The following CACNB2 variants were observed in gnomAD, a reference collection of about 807,000 sequenced individuals.
CACNB2 encodes calcium voltage-gated channel auxiliary subunit beta 2.
Under a neutral mutation model 73.3 loss-of-function variants are expected in CACNB2, and 42 were observed. That is an observed-to-expected ratio of 0.57 (90% confidence interval 0.45 to 0.74). The LOEUF (loss-of-function observed/expected upper bound fraction) is 0.74. CACNB2 is among the 30% of genes least tolerant of loss of function. CACNB2 has a pLI of 0.00. For synonymous variants in CACNB2, 348 were observed against 310.3 expected (o/e 1.12, Z -1.28); for missense variants, 940 against 853.0 (o/e 1.10, Z -1.27).
chr10:18,316,869 C>T (rs1236723799), intron 2 of CACNB2, among the ~76,000 whole-genome samples: 1 of 152,202 alleles, frequency 6.6e-6, no homozygotes, highest in East Asian at 1.9e-4. Context: ...TTAGCACTGT[C>T]TTAGCCCCAG....
chr10:18,355,529 T>A (rs1317219475), intron 2 of CACNB2, among the ~76,000 whole-genome samples: 1 of 152,204 alleles, frequency 6.6e-6, no homozygotes, highest in African/African-American at 2.4e-5. Flanking sequence ...TTTTTGATGC[T>A]ATTGCAGAGC....
chr10:18,400,295 CACTT>C (rs2043925182), intron 2 of CACNB2, among the ~76,000 whole-genome samples: 1 of 152,186 alleles, frequency 6.6e-6, no homozygotes. Context: ...GTATAGGACA[CACTT>C]AGTGGAGCAG....
chr10:18,147,805 T>G (rs79062066), intron 1 of CACNB2, among the ~76,000 whole-genome samples: 2,541 of 152,292 alleles, frequency 0.017, 70 homozygotes, highest in African/African-American at 0.057. Flanking sequence ...CTTCACTTTT[T>G]TCCCCCCTTA....
chr10:18,453,372 A>G (rs533942775), intron 3 of CACNB2, among the ~76,000 whole-genome samples: 2 of 152,220 alleles, frequency 1.3e-5, no homozygotes, highest in African/African-American at 4.8e-5. Context: ...CCTTCCTGCC[A>G]GTCCCACCTC....
chr10:18,242,551 G>A (rs1359985182), intron 2 of CACNB2, among the ~76,000 whole-genome samples: 2 of 152,150 alleles, frequency 1.3e-5, no homozygotes, highest in East Asian at 1.9e-4. Context: ...GAAAATATTT[G>A]AAGCAAATAT....
chr10:18,179,603 AT>A (rs11291909), intron 2 of CACNB2, among the ~76,000 whole-genome samples: 26,729 of 146,478 alleles, frequency 0.18, 2,587 homozygotes, highest in African/African-American at 0.26. Flanking sequence ...AAATCAGCAG[AT>A]TTTTTTTTTT....
chr10:18,275,034 G>A (rs902540801), intron 2 of CACNB2, among the ~76,000 whole-genome samples: 3 of 152,134 alleles, frequency 2.0e-5, no homozygotes, highest in African/African-American at 7.2e-5. Flanking sequence ...ATGAAAGCTG[G>A]CTTTTTCTGA....
At chr10:18,435,008 C>CT (rs2046064544) in intron 3 of CACNB2, among the ~76,000 whole-genome samples, 1 of 152,202 alleles carries the variant, frequency 6.6e-6, no homozygotes, top group African/African-American at 2.4e-5. Flanking sequence ...CTGAGCCACA[C>CT]TTTGAGAACT....
intron 3 of CACNB2, among the ~76,000 whole-genome samples, chr10:18,429,551 G>T (rs529466615): frequency 7.2e-5 from 11 of 152,052 alleles, no homozygotes; most frequent in African/African-American, 2.7e-4. Flanking sequence ...GTTAGGCCAG[G>T]CATGGTGACT....
intron 2 of CACNB2, among the ~76,000 whole-genome samples, chr10:18,299,198 G>T (rs148792981): frequency 2.0e-5 from 3 of 151,964 alleles, no homozygotes; most frequent in Admixed American, 1.3e-4. Flanking sequence ...ACCAGAAGTC[G>T]CATATAATGC....
At chr10:18,419,788 G>C (rs1388031905) in intron 3 of CACNB2, among the ~76,000 whole-genome samples, 1 of 152,144 alleles carries the variant, frequency 6.6e-6, no homozygotes, top group Non-Finnish European at 1.5e-5. Context: ...GCTTATATGG[G>C]TTATTAAGGT....
intron 12 of CACNB2, among the ~76,000 whole-genome samples, chr10:18,537,499 G>A (rs1483458531): frequency 6.6e-6 from 1 of 151,788 alleles, no homozygotes; most frequent in East Asian, 1.9e-4. Flanking sequence ...ATCTTGGGCC[G>A]GGCATGGTGG....
chr10:18,371,129 T>C (rs992753692), intron 2 of CACNB2, among the ~76,000 whole-genome samples: 1 of 152,204 alleles, frequency 6.6e-6, no homozygotes, highest in African/African-American at 2.4e-5. Context: ...TAAAAATAGT[T>C]ATTTGATAGA....
At chr10:18,234,988 A>G (rs976373287) in intron 2 of CACNB2, among the ~76,000 whole-genome samples, 1 of 151,874 alleles carries the variant, frequency 6.6e-6, no homozygotes, top group African/African-American at 2.4e-5. Flanking sequence ...CTAAAAATAT[A>G]AAAAATTAGC....
At chr10:18,449,150 T>C (rs1278850539) in intron 3 of CACNB2, among the ~76,000 whole-genome samples, 2 of 152,152 alleles carry the variant, frequency 1.3e-5, no homozygotes, top group Non-Finnish European at 2.9e-5. Flanking sequence ...TTTGGGGGGC[T>C]GAGGCGGGTG....
chr10:18,354,937 G>A (rs2041850769), intron 2 of CACNB2, among the ~76,000 whole-genome samples: 2 of 150,008 alleles, frequency 1.3e-5, no homozygotes, highest in Non-Finnish European at 3.0e-5. Flanking sequence ...GAGTACTTAC[G>A]TAGGCTAGAG....
intron 2 of CACNB2, among the ~76,000 whole-genome samples, chr10:18,252,129 C>G (rs574680649): frequency 7.9e-5 from 12 of 152,316 alleles, no homozygotes; most frequent in South Asian, 6.2e-4. Context: ...ATTATCTTAT[C>G]TAACCTATTG....
At chr10:18,171,415 C>T in intron 2 of CACNB2, among the ~76,000 whole-genome samples, 1 of 149,926 alleles carries the variant, frequency 6.7e-6, no homozygotes, top group African/African-American at 2.5e-5. Context: ...CTGTGTCTCC[C>T]CCGCATGGGT....
rs145169136 is a variant in CACNB2, at chr10:18,214,078, A to C, written c.213+63103A>C. Among the ~76,000 whole-genome samples, 30 of 152,292 alleles carry C rather than the reference A, an allele frequency of 2.0e-4. No individual in the cohort carries two copies. In the East Asian group the frequency reaches 4.2e-3, roughly 22 times the overall value. On this transcript the variant is annotated intron_variant, in intron 2 of 13. Transcript: ENST00000324631. ...ATCTGAAAAAAAGAATTTCTTATTT[A>C]AATTTACCCCTACACAACTGGAGGC...
Sources: gnomAD v4.1 joint callset for allele counts (sites outside exome capture counted in the v4.1 genomes callset) on GRCh38, gnomAD v4.1.1 for gene constraint, MANE v1.5 for transcripts, NCBI Gene and HGNC (gene_info 2026-07-23, HGNC 2026-07-21) for gene names.